CIT: variants seen among roughly 807,000 people sequenced by gnomAD.
CIT encodes citron Rho-interacting kinase.
Under a neutral mutation model 272.7 loss-of-function variants are expected in CIT, and 79 were observed. The observed-to-expected ratio is 0.29, with a 90% CI of 0.24 to 0.35. CIT has a LOEUF of 0.35. Ranked by LOEUF, CIT falls within the 10% of genes least tolerant of loss-of-function variation. CIT has a pLI of 1.00. For synonymous variants in CIT, 948 were observed against 995.6 expected, an observed-to-expected ratio of 0.95 and a Z score of 0.90; for missense variants, 1,909 against 2,618.3, an observed-to-expected ratio of 0.73 and a Z score of 5.91.
rs1393269254 is a variant in CIT at position 119,770,536 on chromosome 12, A to T, written c.2208+249T>A. On this transcript the variant is annotated intron_variant, in intron 18 of 47. Transcript: ENST00000392521. This position sits in a 1 kb window ranked among gnomAD's most constrained non-coding sequence, Gnocchi z 4.4. ...GATAGATGCACGTTCCACTAAAAAA[A>T]AAAAAAAAGCCAGGCTGTAGCAAAC... Among the ~76,000 whole-genome samples, 5 of 152,160 alleles carry T rather than the reference A, an allele frequency of 3.3e-5. No individual in the cohort carries two copies. The highest frequency in any genetic ancestry group is 7.4e-5 in the Non-Finnish European group (5 of 68,008).
chr12:119,774,810 A>G (rs746421691), intron 16 of CIT, among the ~76,000 whole-genome samples: 15 of 151,448 alleles, frequency 9.9e-5, no homozygotes, highest in Non-Finnish European at 2.2e-4. Context: ...CTATCTCTAC[A>G]GAAAATACAG....
At chr12:119,751,923 A>C (rs1960317145) in intron 23 of CIT, 127 bp downstream of exon 23, 14 of 838,854 alleles carry the variant, frequency 1.7e-5, no homozygotes, top group Non-Finnish European at 2.5e-5. Context: ...CTGGCCACTG[A>C]ATATCTTTGT....
intron 3 of CIT, among the ~76,000 whole-genome samples, chr12:119,862,671 G>A (rs568681520): frequency 5.4e-4 from 82 of 151,214 alleles, no homozygotes; most frequent in African/African-American, 1.8e-3. Context: ...TTAGCCAGGC[G>A]TGGTGGCAGG....
At position 119,709,787 on chromosome 12, in the gene CIT, AGTGTGTGTGTGTGTGT is replaced by A. The variant is rs150206566; in HGVS notation, c.5071+448_5071+463del. On this transcript the variant is annotated intron_variant, in intron 39 of 47. Coordinates refer to ENST00000392521, the MANE Select transcript of CIT (RefSeq NM_001206999.2). ...AAGAGAGAGAGAGAGAGAGAGAGAGAGTGTGTGTGTGTGTGTGTGTGTGTGTGTGTGTGTGTGTGTG... is the reference window on the plus strand; with the variant it reads ...AAGAGAGAGAGAGAGAGAGAGAGAGAGTGTGTGTGTGTGTGTGTGTGTGTG... 7.2e-4 allele frequency among the ~76,000 whole-genome samples: 77 copies of A among 107,680 alleles called. 2 individuals carry two copies. Among genetic ancestry groups the A allele is most frequent in the African/African-American group, 1.7e-3 (50 of 28,786 alleles). The allele number at this position is 107,680 out of a possible 152,430, so 70.6% of individuals were successfully genotyped here.
chr12:119,825,297 A>G lies in CIT; in HGVS notation c.825T>C (p.Asp275=), dbSNP rs2138064498. 6.2e-7 allele frequency: 1 copy of G among 1,614,014 alleles called. No homozygotes were observed. Among genetic ancestry groups the G allele is most frequent in the Non-Finnish European group, 8.5e-7 (1 of 1,180,012 alleles). ...APEVLTVMNG[D]GKGTYGLDCD... ...AGTCCAGGCCGTAGGTGCCTTTTCC[A>G]TCCCCGTTCATCACAGTCAGCACTT... is the stretch of plus-strand genomic sequence containing the variant. Residue 275 remains aspartate, a synonymous_variant, in exon 8 of 48, where the codon GAT becomes GAC. Transcript: ENST00000392521.
intron 9 of CIT, among the ~76,000 whole-genome samples, chr12:119,812,849 A>G (rs1966865044): frequency 6.6e-6 from 1 of 151,916 alleles, no homozygotes; most frequent in African/African-American, 2.4e-5. Context: ...AATAAAGAAG[A>G]AGGAGGTTAT....
chr12:119,848,676 C>G (rs2138234766), intron 5 of CIT, among the ~76,000 whole-genome samples: 1 of 152,278 alleles, frequency 6.6e-6, no homozygotes, highest in South Asian at 2.1e-4. Context: ...GAGAGCCAAG[C>G]ACAGAGTAAC....
chr12:119,856,550 C>T (rs147532863), intron 4 of CIT, among the ~76,000 whole-genome samples: 56 of 152,098 alleles, frequency 3.7e-4, no homozygotes, highest in South Asian at 8.3e-4. Flanking sequence ...AACACACACA[C>T]ACACCCACAC....
chr12:119,695,499 T>C (rs1489969842), intron 46 of CIT, among the ~76,000 whole-genome samples: 1 of 152,208 alleles, frequency 6.6e-6, no homozygotes, highest in African/African-American at 2.4e-5. Context: ...ACATCTCTTA[T>C]ATTAAATGGT....
At chr12:119,781,717 A>C (rs1964307181) in intron 13 of CIT, among the ~76,000 whole-genome samples, 1 of 152,236 alleles carries the variant, frequency 6.6e-6, no homozygotes, top group Admixed American at 6.5e-5. Flanking sequence ...CTTTCTGAAA[A>C]CACAGGGGAC....
intron 13 of CIT, 48 bp from the exon 14 acceptor site, chr12:119,776,890 G>C (rs764323582): frequency 7.0e-6 from 11 of 1,578,560 alleles, no homozygotes; most frequent in Non-Finnish European, 9.5e-6. Flanking sequence ...ACTCCGAAAA[G>C]AATAGACAGG....
chr12:119,841,489 T>C (rs1969408540), intron 5 of CIT, among the ~76,000 whole-genome samples: 1 of 152,180 alleles, frequency 6.6e-6, no homozygotes, highest in African/African-American at 2.4e-5. Flanking sequence ...GCAGCTGTTT[T>C]AGCCTCTGTG....
intron 2 of CIT, among the ~76,000 whole-genome samples, 192 bp downstream of exon 2, chr12:119,875,854 GGCAGGCGGCTGTAGTCCCAGCTACTCT>G (rs1333099897): frequency 2.0e-5 from 3 of 152,154 alleles, no homozygotes; most frequent in African/African-American, 7.2e-5. Flanking sequence ...CGGGTGTGGT[GGCAGGCGGCTGTAGTCCCAGCTACTCT>G]GGAGGCTGAG....
In CIT at chr12:119,694,815, T is replaced by A. The variant is rs984621964; in HGVS notation, c.5882+2844A>T. ...AGTGAGACCCTACCTCGAAAAAAAATAAATAAATAAAAATAAAAAATAAAT... is the reference window on the plus strand; with the variant it reads ...AGTGAGACCCTACCTCGAAAAAAAAAAAATAAATAAAAATAAAAAATAAAT... On this transcript the variant is annotated intron_variant, in intron 46 of 47. Transcript: ENST00000392521. The surrounding 1 kb of genome is among the most constrained non-coding windows in gnomAD (Gnocchi z 4.5). 1.3e-5 allele frequency among the ~76,000 whole-genome samples: 2 copies of A among 150,702 alleles called. No homozygotes were observed. Among genetic ancestry groups the A allele is most frequent in the Admixed American group, 6.6e-5 (1 of 15,128 alleles).
chr12:119,742,497 A>C, intron 23 of CIT, 33 bp from the exon 24 acceptor site: 4 of 1,536,556 alleles, frequency 2.6e-6, no homozygotes, highest in Non-Finnish European at 3.6e-6. Context: ...TAAATTTTTC[A>C]TAGGGTAGAA....
At chr12:119,819,145 C>G (rs1487527608) in intron 9 of CIT, among the ~76,000 whole-genome samples, 1 of 152,128 alleles carries the variant, frequency 6.6e-6, no homozygotes, top group Non-Finnish European at 1.5e-5. Context: ...GGAAAGCAGC[C>G]TTGAAATAAT....
intron 16 of CIT, among the ~76,000 whole-genome samples, chr12:119,775,245 C>G (rs1472455752): frequency 6.6e-6 from 1 of 152,200 alleles, no homozygotes; most frequent in Admixed American, 6.5e-5. Context: ...TGCACTCCAG[C>G]CTGGACAACA....
intron 17 of CIT, 99 bp from the exon 18 acceptor site, chr12:119,771,009 G>A (rs895769618): frequency 7.7e-6 from 11 of 1,431,488 alleles, no homozygotes; most frequent in South Asian, 1.4e-5. Context: ...ATACACTCGA[G>A]TCAGGAAGAA....
At chr12:119,758,561 A>C in intron 21 of CIT, 30 bp downstream of exon 21, 1 of 1,391,034 alleles carries the variant, frequency 7.2e-7, no homozygotes, top group African/African-American at 1.4e-5. Context: ...AAGTGTAATA[A>C]TGTAGGGCAG....
Sources: allele counts gnomAD v4.1 joint callset (sites outside exome capture counted in the v4.1 genomes callset), GRCh38; gene constraint gnomAD v4.1.1; non-coding constraint Gnocchi (gnomAD v3.1); transcripts MANE v1.5; gene names NCBI Gene and HGNC (gene_info 2026-07-23, HGNC 2026-07-21).